Variants in COL12A1 observed in about 807,000 individuals in gnomAD.
The protein encoded by COL12A1 is collagen type XII alpha 1 chain, also known as collagen alpha-1(XII) chain.
A neutral mutation model predicts 349.7 loss-of-function variants in COL12A1; 114 were observed. The ratio of observed to expected loss-of-function variants is 0.33; its 90% confidence interval spans 0.28 to 0.38. The LOEUF (loss-of-function observed/expected upper bound fraction) is 0.38, where lower values mean the gene tolerates loss of function less well. Among genes scored for constraint, COL12A1 ranks in the 10% least tolerant of loss-of-function variants. COL12A1 has a pLI of 1.00. For synonymous variants in COL12A1, 1,369 were observed against 1,329.0 expected (o/e 1.03, Z -0.66); for missense variants, 3,284 against 3,756.9 (o/e 0.87, Z 3.29).
chr6:75,135,934 A>T (rs1270040114), intron 31 of COL12A1, among the ~76,000 whole-genome samples: 4 of 152,146 alleles, frequency 2.6e-5, no homozygotes, highest in Admixed American at 2.6e-4. Flanking sequence ...TCTCCCATCC[A>T]GCTCCCCAAA....
chr6:75,109,823 AT>A (rs959190166), intron 51 of COL12A1, among the ~76,000 whole-genome samples: 3 of 152,098 alleles, frequency 2.0e-5, no homozygotes, highest in African/African-American at 7.2e-5. Context: ...AAATGTTTGT[AT>A]TTCAACAATG....
At chr6:75,165,917 T>C in intron 13 of COL12A1, 138 bp from the exon 14 acceptor site, 1 of 783,356 alleles carries the variant, frequency 1.3e-6, no homozygotes, top group South Asian at 1.9e-5. Flanking sequence ...TTCTTCTTTT[T>C]GAGTTGTCCA....
At chr6:75,203,178 T>A (rs1770616731) in intron 1 of COL12A1, among the ~76,000 whole-genome samples, 1 of 131,526 alleles carries the variant, frequency 7.6e-6, no homozygotes, top group Non-Finnish European at 1.6e-5. Flanking sequence ...ACTAAATATC[T>A]CTTCCAGCTG....
rs563331592 is a variant in COL12A1 at position 75,183,623 on chromosome 6, C to T, written c.1318G>A (p.Asp440Asn). 5.6e-6 allele frequency: 9 copies of T among 1,612,170 alleles called. No individual in the cohort carries two copies. Among genetic ancestry groups the T allele is most frequent in the Admixed American group, 5.0e-5 (3 of 59,588 alleles). ...GAGCCATCAACCAAAAACACAATAT[C>T]GGCTTTTATATCCACACCACGTGAG... is the stretch of plus-strand genomic sequence containing the variant. ...ECSRGVDIKA[D>N]IVFLVDGSYS... The change falls in exon 10 of 66, where the codon GAT becomes AAT. Residue 440 changes from aspartate to asparagine, a missense_variant. This residue lies in a region of COL12A1 where 2,601 missense variants were observed against 2,824.8 expected (regional missense o/e 0.92). Transcript: ENST00000322507.
chr6:75,120,691 G>T (rs1220304052), intron 44 of COL12A1, among the ~76,000 whole-genome samples: 2 of 152,046 alleles, frequency 1.3e-5, no homozygotes, highest in Non-Finnish European at 2.9e-5. Flanking sequence ...CTGTGTTAGG[G>T]TTACATGATG....
Position 75,156,495 on chromosome 6 carries a change from T to C in COL12A1, c.3012A>G (p.Val1004=). Residue 1004 remains valine (V), a synonymous_variant, in exon 15 of 66, where the codon GTA becomes GTG. Transcript: ENST00000322507. Reference sequence around the variant, plus strand: ...TCATTGTGTTTTCTGTTTCTTCATCTACTTTCAGGGTTTTGGAATCTTGAG... The same window carrying C: ...TCATTGTGTTTTCTGTTTCTTCATCCACTTTCAGGGTTTTGGAATCTTGAG... ...ELSQDSKTLK[V]DEETENTMRV... is the part of the protein sequence containing the mutation. The C allele has an allele frequency of 6.2e-7, 1 of 1,613,738 alleles. No homozygotes were observed. Among genetic ancestry groups the C allele is most frequent in the Non-Finnish European group, 8.5e-7 (1 of 1,179,804 alleles).
In COL12A1 at chr6:75,181,097, G is replaced by A. The variant is rs201657576; in HGVS notation, c.2006C>T (p.Ala669Val). The change falls in exon 11 of 66, where the codon GCG becomes GTG. Residue 669 changes from alanine to valine, a missense_variant. Ala to Val is a moderately conservative substitution (Grantham distance 64). Around this residue, in one of 2 missense-constraint regions of COL12A1, gnomAD observed 2,601 missense variants for 2,824.8 expected, o/e 0.92. Transcript: ENST00000322507. ...CACAGTGACCTCATCATCCCCAGCCGCTTCCTTGTAGGTGATGTGATATGA... is the reference window on the plus strand; with the variant it reads ...CACAGTGACCTCATCATCCCCAGCCACTTCCTTGTAGGTGATGTGATATGA... ...VFSYHITYKE[A>V]AGDDEVTVVE... is the part of the protein sequence containing the mutation. The A allele has an allele frequency of 7.2e-5, 117 of 1,613,822 alleles. No homozygotes were observed. The highest frequency in any genetic ancestry group is 3.1e-4 in the African/African-American group (23 of 74,912).
rs1769052023 is a variant in COL12A1 at position 75,177,911 on chromosome 6, T to G, written c.2189A>C (p.Lys730Thr). The change falls in exon 12 of 66, where the codon AAG becomes ACG. Residue 730 changes from lysine to threonine, a missense_variant. Transcript: ENST00000322507. ...ACTATCTGTAGTCTCATCTGTCACC[T>G]TTAGGTTTCGAGGTGCTCCTTTTAC... ...EEVKGAPRNL[K>T]VTDETTDSFK... 4 of 1,610,388 alleles carry G rather than the reference T, an allele frequency of 2.5e-6. No homozygotes were observed. The highest frequency in any genetic ancestry group is 2.5e-6 in the Non-Finnish European group (3 of 1,179,694).
chr6:75,181,780 C>T (rs1042121524), intron 10 of COL12A1, among the ~76,000 whole-genome samples: 2 of 151,474 alleles, frequency 1.3e-5, no homozygotes, highest in African/African-American at 4.9e-5. Context: ...GAGAATGCAA[C>T]ATTATTAACA....
intron 64 of COL12A1, 43 bp downstream of exon 64, chr6:75,089,063 G>T: frequency 7.3e-7 from 1 of 1,370,046 alleles, no homozygotes. Flanking sequence ...GTGCCCTCTC[G>T]GTATTTATAG....
intron 1 of COL12A1, 82 bp from the exon 2 acceptor site, chr6:75,202,909 C>T (rs374786704): frequency 1.5e-3 from 1,291 of 861,820 alleles, no homozygotes; most frequent in Non-Finnish European, 2.1e-3. Flanking sequence ...TGGACCTAGT[C>T]CAGAACCCGA....
chr6:75,198,918 G>A (rs72878527), intron 2 of COL12A1, among the ~76,000 whole-genome samples: 3,961 of 152,292 alleles, frequency 0.026, 79 homozygotes, highest in Non-Finnish European at 0.042. Flanking sequence ...ATCTTGACAA[G>A]TGTGCAATAA....
At position 75,143,090 on chromosome 6, in the gene COL12A1, T is replaced by C. The variant is rs16886197; in HGVS notation, c.4827+162A>G. ...TTTGACAAGACAGTCCAATATATCATTGATTTTCAAAAACTGCTTTATTAA... is the reference window on the plus strand; with the variant it reads ...TTTGACAAGACAGTCCAATATATCACTGATTTTCAAAAACTGCTTTATTAA... On this transcript the variant is annotated intron_variant, in intron 26 of 65. Coordinates refer to ENST00000322507, the MANE Select transcript of COL12A1 (RefSeq NM_004370.6). The C allele has an allele frequency of 0.014, 10,008 of 730,104 alleles. 489 individuals are homozygous for C. In the East Asian group the frequency reaches 0.14, roughly 11 times the overall value. The allele number at this position is 730,104 out of a possible 1,614,324, so 45.2% of individuals were successfully genotyped here. A position where few individuals can be genotyped will look rare whatever the true frequency, so the allele number is the denominator to read the frequency against.
chr6:75,148,398 T>G lies in COL12A1; in HGVS notation c.4247A>C (p.Lys1416Thr). 1 of 1,612,952 alleles carries G rather than the reference T, an allele frequency of 6.2e-7. No homozygotes were observed. The highest frequency in any genetic ancestry group is 8.5e-7 in the Non-Finnish European group (1 of 1,179,356). ...TPPSDSVDRY[K>T]VEYYPVSGGK... ...TCCAGAAACTGGATAGTATTCCACC[T>G]TATATCGATCCACACTGTCAGAAGG... Residue 1416 changes from lysine to threonine, a missense_variant, in exon 22 of 66, where the codon AAG (lysine) becomes ACG (threonine). Around this residue, in one of 2 missense-constraint regions of COL12A1, gnomAD observed 2,601 missense variants for 2,824.8 expected, o/e 0.92. Coordinates refer to ENST00000322507, the MANE Select transcript of COL12A1 (RefSeq NM_004370.6).
In COL12A1 at chr6:75,181,052, G is replaced by A. The variant is rs1216004888; in HGVS notation, c.2051C>T (p.Thr684Ile). Residue 684 changes from threonine to isoleucine, a missense_variant, in exon 11 of 66, where the codon ACC becomes ATC. Physicochemically the swap from Thr to Ile is moderately conservative, Grantham distance 89. This residue lies in a region of COL12A1 where 2,601 missense variants were observed against 2,824.8 expected (regional missense o/e 0.92). Coordinates refer to ENST00000322507, the MANE Select transcript of COL12A1 (RefSeq NM_004370.6). The part of the protein sequence containing the change: ...EVTVVEPASS[T>I]SVVLSSLKPE... ...CTTCAGGCTGCTGAGAACAACACTGGTGCTCGATGCTGGCTCCACCACAGT... is the reference window on the plus strand; with the variant it reads ...CTTCAGGCTGCTGAGAACAACACTGATGCTCGATGCTGGCTCCACCACAGT... The A allele has an allele frequency of 2.5e-6, 4 of 1,613,908 alleles. No individual in the cohort carries two copies. The highest frequency in any genetic ancestry group is 3.4e-6 in the Non-Finnish European group (4 of 1,179,988).
chr6:75,160,323 G>A (rs189925389), intron 14 of COL12A1, among the ~76,000 whole-genome samples: 82 of 152,200 alleles, frequency 5.4e-4, no homozygotes, highest in Non-Finnish European at 6.5e-4. Flanking sequence ...CAATGTATTC[G>A]TTTCATTGTA....
intron 3 of COL12A1, among the ~76,000 whole-genome samples, chr6:75,193,248 C>G (rs1379713913): frequency 6.6e-6 from 1 of 152,008 alleles, no homozygotes; most frequent in African/African-American, 2.4e-5. Flanking sequence ...TTCCCAACAT[C>G]TAGAAACTGG....
chr6:75,084,965 G>C lies in COL12A1; in HGVS notation c.*1582C>G, dbSNP rs1276898881. 1 of 281,798 alleles carries C rather than the reference G, an allele frequency of 3.5e-6. No homozygotes were observed. Among genetic ancestry groups the C allele is most frequent in the Non-Finnish European group, 7.3e-6 (1 of 137,166 alleles). The allele number at this position is 281,798 out of a possible 1,614,324, so 17.5% of individuals were successfully genotyped here. ...TCTCTTTGCAGCTTTTGTTAACAAA[G>C]TATTTTGCAAGCATTTCAAGGGCAA... On this transcript the variant is annotated 3_prime_UTR_variant, in exon 66 of 66. Coordinates refer to ENST00000322507, the MANE Select transcript of COL12A1 (RefSeq NM_004370.6).
At chr6:75,178,156 G>A (rs1234702373) in intron 11 of COL12A1, among the ~76,000 whole-genome samples, 3 of 152,038 alleles carry the variant, frequency 2.0e-5, no homozygotes, top group Non-Finnish European at 4.4e-5. Flanking sequence ...AAGAAACTAA[G>A]TACTGTTAAT....
Sources: gnomAD v4.1 joint callset for allele counts (sites outside exome capture counted in the v4.1 genomes callset) on GRCh38, gnomAD v4.1.1 for gene constraint, gnomAD v4.1.1 regional missense constraint, MANE v1.5 for transcripts, NCBI Gene and HGNC (gene_info 2026-07-23, HGNC 2026-07-21) for gene names.